Variants in KCND2 observed in about 807,000 individuals in gnomAD.
KCND2 encodes the protein potassium voltage-gated channel subfamily D member 2.
In KCND2, 16 loss-of-function variants were observed where a neutral mutation model predicts 54.4. The observed-to-expected ratio is 0.29, with a 90% CI of 0.20 to 0.45. KCND2 has a LOEUF of 0.45. Among genes scored for constraint, KCND2 ranks in the 20% least tolerant of loss-of-function variants. The probability of loss-of-function intolerance (pLI) is 1.00; values close to 1 mark genes in which losing one functional copy is unlikely to be tolerated. For synonymous variants in KCND2, 317 were observed against 310.7 expected (o/e 1.02, Z -0.21); for missense variants, 486 against 824.2 (o/e 0.59, Z 5.02).
At chr7:120,291,804 C>T (rs544690116) in intron 1 of KCND2, among the ~76,000 whole-genome samples, 49 of 151,892 alleles carry the variant, frequency 3.2e-4, no homozygotes, top group African/African-American at 1.1e-3. Flanking sequence ...TCTGAAATGA[C>T]CAATTGTTTT....
intron 1 of KCND2, among the ~76,000 whole-genome samples, chr7:120,480,072 C>T (rs73435886): frequency 0.027 from 4,030 of 150,408 alleles, 160 homozygotes; most frequent in African/African-American, 0.092. Flanking sequence ...GAACTTATAA[C>T]ATCAAAATAT....
At chr7:120,502,001 A>C (rs1169957726) in intron 1 of KCND2, among the ~76,000 whole-genome samples, 1 of 152,092 alleles carries the variant, frequency 6.6e-6, no homozygotes, top group Non-Finnish European at 1.5e-5. Context: ...TGTTTTTAAC[A>C]AGTTCTTTGA....
intron 1 of KCND2, among the ~76,000 whole-genome samples, chr7:120,381,991 C>T (rs1040506728): frequency 4.6e-5 from 7 of 150,784 alleles, no homozygotes; most frequent in East Asian, 1.9e-4. Flanking sequence ...TTGGTAGTTT[C>T]GTGTGGTTTA....
chr7:120,659,848 T>G (rs1791844832), intron 1 of KCND2, among the ~76,000 whole-genome samples: 1 of 152,124 alleles, frequency 6.6e-6, no homozygotes, highest in South Asian at 2.1e-4. Flanking sequence ...TTGTAATTAG[T>G]GTGTTTAGTT....
At chr7:120,331,577 CT>C (rs1800069745) in intron 1 of KCND2, among the ~76,000 whole-genome samples, 1 of 151,934 alleles carries the variant, frequency 6.6e-6, no homozygotes, top group Non-Finnish European at 1.5e-5. Context: ...GTAAATTTTG[CT>C]GGCATATACC....
intron 1 of KCND2, among the ~76,000 whole-genome samples, chr7:120,467,325 T>A (rs189612284): frequency 6.6e-6 from 1 of 152,266 alleles, no homozygotes; most frequent in East Asian, 1.9e-4. Flanking sequence ...TTCCATCAGT[T>A]TCTTGATTCT....
intron 1 of KCND2, among the ~76,000 whole-genome samples, chr7:120,285,465 G>GA (rs1193420335): frequency 1.3e-5 from 2 of 151,820 alleles, no homozygotes; most frequent in East Asian, 1.9e-4. Flanking sequence ...ACTATAGTTA[G>GA]AAAAAATGCA....
intron 1 of KCND2, among the ~76,000 whole-genome samples, chr7:120,400,960 A>T (rs1801243466): frequency 8.9e-6 from 1 of 112,450 alleles, no homozygotes; most frequent in Non-Finnish European, 1.9e-5. Context: ...ATGTACTATT[A>T]AAAAAAAAAA....
intron 1 of KCND2, among the ~76,000 whole-genome samples, chr7:120,414,853 C>A (rs1300561895): frequency 1.3e-5 from 2 of 152,110 alleles, no homozygotes; most frequent in Non-Finnish European, 2.9e-5. Context: ...ATGGGCCTTT[C>A]CTGATTCATT....
At chr7:120,484,229 A>G (rs538891204) in intron 1 of KCND2, among the ~76,000 whole-genome samples, 39 of 152,230 alleles carry the variant, frequency 2.6e-4, no homozygotes, top group African/African-American at 8.7e-4. Context: ...TTTCCTTTCC[A>G]GTAGTTATGA....
intron 1 of KCND2, among the ~76,000 whole-genome samples, chr7:120,600,364 G>C (rs1407710072): frequency 6.6e-6 from 1 of 151,570 alleles, no homozygotes; most frequent in Non-Finnish European, 1.5e-5. Flanking sequence ...TCAAAATTTA[G>C]AATACTAAAA....
At chr7:120,326,912 G>A (rs1799986609) in intron 1 of KCND2, among the ~76,000 whole-genome samples, 1 of 152,010 alleles carries the variant, frequency 6.6e-6, no homozygotes, top group Non-Finnish European at 1.5e-5. Context: ...CAAAACAAAT[G>A]TGATCTGTTG....
intron 1 of KCND2, among the ~76,000 whole-genome samples, chr7:120,622,604 C>A (rs1793113054): frequency 6.7e-6 from 1 of 150,358 alleles, no homozygotes; most frequent in Admixed American, 6.7e-5. Context: ...AATCATGGAA[C>A]CATTAAGCTA....
At chr7:120,717,180 T>A (rs534376940) in intron 1 of KCND2, among the ~76,000 whole-genome samples, 1 of 152,246 alleles carries the variant, frequency 6.6e-6, no homozygotes, top group Non-Finnish European at 1.5e-5. Flanking sequence ...ATTAGGCTAC[T>A]ATTGACCTTC....
chr7:120,592,794 A>AT (rs1432718021), intron 1 of KCND2, among the ~76,000 whole-genome samples: 3 of 152,272 alleles, frequency 2.0e-5, no homozygotes, highest in Non-Finnish European at 2.9e-5. Context: ...AATTAGGTTC[A>AT]TTTTTATCTA....
At chr7:120,583,382 A>G (rs1792544961) in intron 1 of KCND2, among the ~76,000 whole-genome samples, 1 of 152,140 alleles carries the variant, frequency 6.6e-6, no homozygotes, top group Non-Finnish European at 1.5e-5. Context: ...TTGAAATTGA[A>G]CAACAAATTG....
At chr7:120,521,312 T>C (rs1458267711) in intron 1 of KCND2, among the ~76,000 whole-genome samples, 1 of 152,038 alleles carries the variant, frequency 6.6e-6, no homozygotes, top group Non-Finnish European at 1.5e-5. Flanking sequence ...GATGTCCAAT[T>C]TTTAAAAAAA....
chr7:120,448,301 T>G (rs1802049249), intron 1 of KCND2, among the ~76,000 whole-genome samples: 1 of 152,134 alleles, frequency 6.6e-6, no homozygotes, highest in South Asian at 2.1e-4. Flanking sequence ...GTCCTTGTGG[T>G]AACTTGCTCA....
chr7:120,477,972 C>A (rs562815081), intron 1 of KCND2, among the ~76,000 whole-genome samples: 2 of 152,102 alleles, frequency 1.3e-5, no homozygotes, highest in African/African-American at 4.8e-5. Flanking sequence ...GTGTTTTTCT[C>A]TTCAAAATTC....
Sources: gnomAD v4.1 joint callset for allele counts (sites outside exome capture counted in the v4.1 genomes callset) on GRCh38, gnomAD v4.1.1 for gene constraint, MANE v1.5 for transcripts, NCBI Gene and HGNC (gene_info 2026-07-23, HGNC 2026-07-21) for gene names.